Variants in SKAP1 observed in about 807,000 individuals in gnomAD.
SKAP1 encodes the protein src kinase-associated phosphoprotein 1.
A neutral mutation model predicts 58.5 loss-of-function variants in SKAP1; 44 were observed. The ratio of observed to expected loss-of-function variants is 0.75; its 90% CI spans 0.59 to 0.97. The LOEUF is 0.97. Among genes scored for constraint, SKAP1 ranks in the 50% least tolerant of loss-of-function variants. The pLI is 0.00. For missense variants in SKAP1, 390 were observed against 435.2 expected, an observed-to-expected ratio of 0.90 and a Z score of 0.92; for synonymous variants, 127 against 149.7, an observed-to-expected ratio of 0.85 and a Z score of 1.11.
chr17:48,166,966 G>A (rs1427028782), intron 10 of SKAP1, among the ~76,000 whole-genome samples: 1 of 152,036 alleles, frequency 6.6e-6, no homozygotes, highest in East Asian at 1.9e-4. Flanking sequence ...CTGGGCTCAA[G>A]CTATCTTCCC....
intron 4 of SKAP1, among the ~76,000 whole-genome samples, chr17:48,225,324 A>G (rs1009219451): frequency 3.3e-5 from 5 of 152,160 alleles, no homozygotes; most frequent in African/African-American, 1.2e-4. Flanking sequence ...GGAGTCAGAG[A>G]TTTTAGGTCT....
rs866935443 is a variant in SKAP1, at chr17:48,224,038, A to G, written c.281-34538T>C. On this transcript the variant is annotated intron_variant, in intron 4 of 12. Transcript: ENST00000336915. ...AGAGAGAGAGAGAGAGAGAGAGAAG[A>G]AGGAGGAGGAGGAGGAGGAGGAGGA... is the stretch of plus-strand genomic sequence containing the variant. Among the ~76,000 whole-genome samples the G allele has an allele frequency of 3.2e-3, 166 of 52,414 alleles. 2 individuals carry two copies. The highest frequency in any genetic ancestry group is 9.1e-3 in the South Asian group (10 of 1,094). 34.4% of individuals were successfully genotyped at this position (52,414 alleles called of 152,430 possible).
At chr17:48,310,303 A>T (rs2066206267) in intron 4 of SKAP1, among the ~76,000 whole-genome samples, 1 of 152,244 alleles carries the variant, frequency 6.6e-6, no homozygotes, top group Non-Finnish European at 1.5e-5. Context: ...ATGAGAGAAG[A>T]AAATTGAGGC....
rs75663950 is a variant in SKAP1 at position 48,419,122 on chromosome 17, G to T, written c.46+10953C>A. Among the ~76,000 whole-genome samples the T allele has an allele frequency of 2.2e-4, 33 of 151,908 alleles. 1 individual carries two copies. In the East Asian group the frequency reaches 6.4e-3, roughly 29 times the overall value. On this transcript the variant is annotated intron_variant, in intron 1 of 12. Coordinates refer to ENST00000336915, the MANE Select transcript of SKAP1 (RefSeq NM_003726.4). ...AAGAGAGGAAGAAAAGAAGAGAGAG[G>T]GAGGGAGAGAGGGAGAAAGAAACAT...
intron 10 of SKAP1, among the ~76,000 whole-genome samples, chr17:48,168,432 G>A (rs761242458): frequency 2.0e-5 from 3 of 152,136 alleles, no homozygotes; most frequent in Non-Finnish European, 4.4e-5. Flanking sequence ...CAAGACGGTC[G>A]GATCCCCTGA....
intron 4 of SKAP1, among the ~76,000 whole-genome samples, chr17:48,231,297 C>T (rs917740398): frequency 2.0e-5 from 3 of 152,088 alleles, no homozygotes; most frequent in Admixed American, 6.6e-5. Flanking sequence ...GAGAGATCTT[C>T]ACACTAAGGG....
intron 2 of SKAP1, among the ~76,000 whole-genome samples, chr17:48,373,234 GGAGA>G (rs1398360950): frequency 6.6e-6 from 1 of 152,106 alleles, no homozygotes; most frequent in Admixed American, 6.6e-5. Flanking sequence ...CAGGGTGGCA[GGAGA>G]GAGAGAGAAC....
intron 4 of SKAP1, among the ~76,000 whole-genome samples, chr17:48,256,978 G>A (rs72825596): frequency 0.083 from 12,660 of 152,036 alleles, 692 homozygotes; most frequent in East Asian, 0.2. Flanking sequence ...GAGGTTTTAA[G>A]TGTTCACATG....
chr17:48,156,596 G>T, intron 11 of SKAP1: 1 of 328,832 alleles, frequency 3.0e-6, no homozygotes. Context: ...TGGATGCACA[G>T]ATCTGCTTCG....
At chr17:48,333,027 G>T (rs1471914238) in intron 4 of SKAP1, among the ~76,000 whole-genome samples, 1 of 152,136 alleles carries the variant, frequency 6.6e-6, no homozygotes, top group Non-Finnish European at 1.5e-5. Flanking sequence ...TAAACTTAAA[G>T]TTGTGAAACC....
intron 4 of SKAP1, among the ~76,000 whole-genome samples, chr17:48,218,032 G>A (rs1435541668): frequency 6.6e-6 from 1 of 152,234 alleles, no homozygotes; most frequent in Non-Finnish European, 1.5e-5. Context: ...AGAGAAGGAG[G>A]AAGGTACTAA....
intron 2 of SKAP1, among the ~76,000 whole-genome samples, chr17:48,386,496 T>G (rs1359079729): frequency 6.6e-6 from 1 of 152,194 alleles, no homozygotes; most frequent in Non-Finnish European, 1.5e-5. Flanking sequence ...AATGAGATTA[T>G]GATTAAGTAG....
At chr17:48,301,781 T>C (rs1014153065) in intron 4 of SKAP1, among the ~76,000 whole-genome samples, 3 of 152,162 alleles carry the variant, frequency 2.0e-5, no homozygotes, top group African/African-American at 7.2e-5. Context: ...CCAGTCTGAA[T>C]CTACATTTCT....
At chr17:48,205,336 C>A (rs911491671) in intron 4 of SKAP1, among the ~76,000 whole-genome samples, 4 of 152,084 alleles carry the variant, frequency 2.6e-5, no homozygotes, top group African/African-American at 9.6e-5. Context: ...GTCTAGAACT[C>A]CTGGGCTCAA....
intron 3 of SKAP1, among the ~76,000 whole-genome samples, chr17:48,362,581 C>T (rs1221444316): frequency 6.6e-6 from 1 of 152,182 alleles, no homozygotes; most frequent in East Asian, 1.9e-4. Context: ...GCTATAAATG[C>T]TTTAGGACAG....
chr17:48,209,185 C>G (rs2064843023), intron 4 of SKAP1, among the ~76,000 whole-genome samples: 2 of 152,214 alleles, frequency 1.3e-5, no homozygotes, highest in Admixed American at 1.3e-4. Flanking sequence ...ACATCTCAGT[C>G]TTTCCTCCTC....
At chr17:48,362,867 A>G (rs896719916) in intron 3 of SKAP1, among the ~76,000 whole-genome samples, 20 of 152,250 alleles carry the variant, frequency 1.3e-4, no homozygotes, top group African/African-American at 4.8e-4. Context: ...AATAAAAAGT[A>G]CTTAAAAAGT....
intron 4 of SKAP1, among the ~76,000 whole-genome samples, chr17:48,207,793 A>T (rs1031993880): frequency 7.9e-5 from 12 of 152,200 alleles, no homozygotes; most frequent in African/African-American, 2.7e-4. Context: ...CAATTTACAA[A>T]GTATTATTGT....
chr17:48,399,839 A>G (rs2067473305), intron 1 of SKAP1, among the ~76,000 whole-genome samples: 1 of 152,054 alleles, frequency 6.6e-6, no homozygotes, highest in African/African-American at 2.4e-5. Context: ...GATCAGGAAT[A>G]AGATAAGGAT....
Sources: gnomAD v4.1 joint callset for allele counts (sites outside exome capture counted in the v4.1 genomes callset) on GRCh38, gnomAD v4.1.1 for gene constraint, MANE v1.5 for transcripts, NCBI Gene and HGNC (gene_info 2026-07-23, HGNC 2026-07-21) for gene names.